The following CYP4F11 variants were observed in gnomAD, a reference collection of about 807,000 sequenced individuals.
CYP4F11 encodes the protein cytochrome P450 family 4 subfamily F member 11, also known as cytochrome P450 4F11.
In CYP4F11, 79 loss-of-function variants were observed where a neutral mutation model predicts 62.2. The ratio of observed to expected loss-of-function variants is 1.27; its 90% CI spans 1.06 to 1.53. The LOEUF (loss-of-function observed/expected upper bound fraction) is 1.53, where lower values mean the gene tolerates loss of function less well. Among genes scored for constraint, CYP4F11 ranks in the 40% most tolerant of loss-of-function variants. CYP4F11 has a pLI of 0.00. For missense variants in CYP4F11, 777 were observed against 680.5 expected (o/e 1.14, Z -1.58); for synonymous variants, 290 against 263.7 (o/e 1.10, Z -0.97).
chr19:15,931,101 C>CTTTT (rs1328241647), intron 1 of CYP4F11, among the ~76,000 whole-genome samples: 1 of 149,246 alleles, frequency 6.7e-6, no homozygotes, highest in Admixed American at 6.6e-5. Context: ...GAGTGGCCAA[C>CTTTT]TTTTATTCAG....
intron 2 of CYP4F11, chr19:15,928,006 T>G (rs1257356323): frequency 6.5e-6 from 1 of 154,218 alleles, no homozygotes; most frequent in East Asian, 1.9e-4. Flanking sequence ...TTAAATATGA[T>G]GTCACTAATG....
At position 15,932,181 on chromosome 19, in the gene CYP4F11, T is replaced by C. The variant is rs374634924; in HGVS notation, c.198+2030A>G. The stretch of plus-strand genomic sequence containing the variant: ...GTGAGTGAGGAGAGGAATGAGTGAG[T>C]GAGGAGAGGAATGAGTGAGCGAGGA... On this transcript the variant is annotated intron_variant, in intron 1 of 11. Coordinates refer to ENST00000402119, the MANE Select transcript of CYP4F11 (RefSeq NM_021187.4). Among the ~76,000 whole-genome samples, 13 of 12,590 alleles carry C rather than the reference T, an allele frequency of 1.0e-3. 1 individual carries two copies. The highest frequency in any genetic ancestry group is 2.7e-3 in the Admixed American group (4 of 1,458). The allele number at this position is 12,590 out of a possible 152,430, so 8.3% of individuals were successfully genotyped here.
intron 7 of CYP4F11, 65 bp downstream of exon 7, chr19:15,922,299 A>C: frequency 6.2e-7 from 1 of 1,608,106 alleles, no homozygotes; most frequent in Non-Finnish European, 8.5e-7. Context: ...TCCAGGGTCC[A>C]CCCACTACGT....
intron 1 of CYP4F11, among the ~76,000 whole-genome samples, chr19:15,931,655 AGT>A (rs2089724946): frequency 3.3e-5 from 2 of 59,786 alleles, no homozygotes; most frequent in African/African-American, 1.0e-4. Context: ...GAGAGGAATG[AGT>A]GAGCGAGGAG....
At chr19:15,929,273 T>A (rs1338344087) in intron 2 of CYP4F11, among the ~76,000 whole-genome samples, 184 bp downstream of exon 2, 3 of 151,850 alleles carry the variant, frequency 2.0e-5, no homozygotes, top group Admixed American at 2.0e-4. Flanking sequence ...GAGATGGCAG[T>A]GGAGGGAGGA....
chr19:15,920,831 C>G (rs754827378), intron 8 of CYP4F11, among the ~76,000 whole-genome samples: 5 of 152,154 alleles, frequency 3.3e-5, no homozygotes, highest in African/African-American at 4.8e-5. Flanking sequence ...CTGCCATCTC[C>G]AGGTTCATCA....
In CYP4F11 at chr19:15,934,352, C is replaced by A. The variant is rs776856998; in HGVS notation, c.57G>T (p.Trp19Cys). Reference protein sequence around the residue: ...LGLGPVAASPWLLLLLVGGSW... With the variant: ...LGLGPVAASPCLLLLLVGGSW... ...AGCCTCCAACCAGCAGCAGAAGCAG[C>A]CACGGGGATGCTGCCACGGGCCCGA... Residue 19 changes from tryptophan (W) to cysteine (C), a missense_variant, in exon 1 of 12, where the codon TGG becomes TGT. Trp to Cys is a radical substitution (Grantham distance 215). Transcript: ENST00000402119. The A allele has an allele frequency of 3.1e-6, 5 of 1,613,324 alleles. No individual in the cohort carries two copies. The highest frequency in any genetic ancestry group is 4.5e-5 in the East Asian group (2 of 44,830).
rs1362441732 is a variant in CYP4F11, at chr19:15,912,769, G to GTA, written c.*962_*963insTA. 6 of 27,924 alleles carry GTA rather than the reference G, an allele frequency of 2.1e-4. 1 individual carries two copies. The highest frequency in any genetic ancestry group is 7.0e-4 in the African/African-American group (6 of 8,584). 1.7% of individuals were successfully genotyped at this position (27,924 alleles called of 1,614,324 possible). On this transcript the variant is annotated 3_prime_UTR_variant, in exon 12 of 12. Transcript: ENST00000402119. ...TATGTGTGTGTGTGTGTGTGTGTGT[G>GTA]TGTATATATATATATATATAATATA... is the stretch of plus-strand genomic sequence containing the variant.
In CYP4F11 at chr19:15,924,082, C is replaced by A. The variant is rs371022328; in HGVS notation, c.648G>T (p.Glu216Asp). Residue 216 changes from glutamate to aspartate, a missense_variant and splice_region_variant, in exon 6 of 12, where the codon GAG becomes GAT. By Grantham distance (45) the Glu-to-Asp change is conservative. Coordinates refer to ENST00000402119, the MANE Select transcript of CYP4F11 (RefSeq NM_021187.4). The stretch of plus-strand genomic sequence containing the variant: ...TGGCGGCAATATATTCACTGGGCTT[C>A]CTGCATGAAGGAGGTAACAACTTAA... Reference protein sequence around the residue: ...CVFSFESNCQEKPSEYIAAIL... With the variant: ...CVFSFESNCQDKPSEYIAAIL... 30 of 1,612,768 alleles carry A rather than the reference C, an allele frequency of 1.9e-5. No individual in the cohort carries two copies. The highest frequency in any genetic ancestry group is 2.2e-5 in the Non-Finnish European group (26 of 1,179,032).
rs1183276800 is a variant in CYP4F11, at chr19:15,912,805, T to TATATATATATATATATAC, written c.*926_*927insGTATATATATATATATAT. ...TATATATATAATATATATATATATATACATATCTTATATGCACAGCCCTCT... is the reference window on the plus strand; with the variant it reads ...TATATATATAATATATATATATATATATATATATATATATATACACATATCTTATATGCACAGCCCTCT... On this transcript the variant is annotated 3_prime_UTR_variant, in exon 12 of 12. Coordinates refer to ENST00000402119, the MANE Select transcript of CYP4F11 (RefSeq NM_021187.4). 2 of 101,240 alleles carry TATATATATATATATATAC rather than the reference T, an allele frequency of 2.0e-5. No homozygotes were observed. Among genetic ancestry groups the TATATATATATATATATAC allele is most frequent in the Middle Eastern group, 5.9e-3 (1 of 170 alleles). 6.3% of individuals were successfully genotyped at this position (101,240 alleles called of 1,614,324 possible).
At chr19:15,926,738 A>T (rs1464505296) in intron 4 of CYP4F11, among the ~76,000 whole-genome samples, 3 of 152,188 alleles carry the variant, frequency 2.0e-5, no homozygotes, top group African/African-American at 4.8e-5. Context: ...AAAGCTAGCA[A>T]AGCCCCAAAC....
intron 8 of CYP4F11, among the ~76,000 whole-genome samples, chr19:15,920,622 C>T (rs536992819): frequency 1.8e-3 from 268 of 152,240 alleles, no homozygotes; most frequent in African/African-American, 6.3e-3. Context: ...TCAATGTCTC[C>T]TCTCCATCCC....
At position 15,912,668 on chromosome 19, in the gene CYP4F11, G is replaced by GAAAAAAAAA. The variant is rs71178625; in HGVS notation, c.*1055_*1063dup. 5.0e-5 allele frequency: 3 copies of GAAAAAAAAA among 59,796 alleles called. 1 individual carries two copies. Among genetic ancestry groups the GAAAAAAAAA allele is most frequent in the Non-Finnish European group, 3.1e-5 (1 of 32,254 alleles). 3.7% of individuals were successfully genotyped at this position (59,796 alleles called of 1,614,324 possible). On this transcript the variant is annotated 3_prime_UTR_variant, in exon 12 of 12. Coordinates refer to ENST00000402119, the MANE Select transcript of CYP4F11 (RefSeq NM_021187.4). The stretch of plus-strand genomic sequence containing the variant: ...AGTCAGGTACCTTCACCATCCTCAG[G>GAAAAAAAAA]AAAAAAAAAAAAATATATATATATA...
chr19:15,930,043 C>G (rs2089699197), intron 1 of CYP4F11, among the ~76,000 whole-genome samples: 1 of 124,648 alleles, frequency 8.0e-6, no homozygotes, highest in African/African-American at 2.9e-5. Flanking sequence ...CCGTAATAAA[C>G]TCTCTCTCTC....
Position 15,912,686 on chromosome 19 carries a change from T to A in CYP4F11, c.*1046A>T, listed in dbSNP as rs1263415803. ...TCCTCAGGAAAAAAAAAAAAATATATATATATATATATGTGTGTGTGTGTG... is the reference window on the plus strand; with the variant it reads ...TCCTCAGGAAAAAAAAAAAAATATAAATATATATATATGTGTGTGTGTGTG... On this transcript the variant is annotated 3_prime_UTR_variant, in exon 12 of 12. Transcript: ENST00000402119. The A allele has an allele frequency of 2.2e-5, 1 of 45,346 alleles. No homozygotes were observed. Among genetic ancestry groups the A allele is most frequent in the African/African-American group, 7.6e-5 (1 of 13,094 alleles). The allele number at this position is 45,346 out of a possible 1,614,324, so 2.8% of individuals were successfully genotyped here.
intron 7 of CYP4F11, 45 bp downstream of exon 7, chr19:15,922,319 G>A (rs748534533): frequency 1.2e-6 from 2 of 1,610,830 alleles, no homozygotes; most frequent in Non-Finnish European, 1.7e-6. Flanking sequence ...TTCCTGGGAT[G>A]GAGAGGCCCC....
intron 7 of CYP4F11, 88 bp downstream of exon 7, chr19:15,922,276 C>T: frequency 6.2e-7 from 1 of 1,602,622 alleles, no homozygotes; most frequent in Non-Finnish European, 8.5e-7. Flanking sequence ...GGAGGATGGG[C>T]AGAATTAAGT....
chr19:15,913,664 C>T lies in CYP4F11; in HGVS notation c.*68G>A. On this transcript the variant is annotated 3_prime_UTR_variant, in exon 12 of 12. Coordinates refer to ENST00000402119, the MANE Select transcript of CYP4F11 (RefSeq NM_021187.4). The stretch of plus-strand genomic sequence containing the variant: ...AGCCCCATGCTGGCTGTCAACGAGG[C>T]TCAAGCAGAGGTGTCAGCATAGTTT... 1 of 1,594,986 alleles carries T rather than the reference C, an allele frequency of 6.3e-7. No homozygotes were observed. Among genetic ancestry groups the T allele is most frequent in the Non-Finnish European group, 8.6e-7 (1 of 1,166,522 alleles).
intron 2 of CYP4F11, 124 bp from the exon 3 acceptor site, chr19:15,927,607 G>C (rs1388610779): frequency 1.3e-5 from 17 of 1,325,090 alleles, no homozygotes; most frequent in Non-Finnish European, 1.8e-5. Flanking sequence ...GCAGGAAGAA[G>C]GCCAAGGGTA....
Sources: gnomAD v4.1 joint callset for allele counts (sites outside exome capture counted in the v4.1 genomes callset) on GRCh38, gnomAD v4.1.1 for gene constraint, MANE v1.5 for transcripts, NCBI Gene and HGNC (gene_info 2026-07-23, HGNC 2026-07-21) for gene names.